CPZ: variants seen among roughly 807,000 people sequenced by gnomAD.
The protein encoded by CPZ is VEZT/CPZ fusion.
Under a neutral mutation model 61.8 loss-of-function variants are expected in CPZ, and 103 were observed. That is an observed-to-expected ratio of 1.67 (90% CI 1.42 to 1.96). The LOEUF (loss-of-function observed/expected upper bound fraction) is 1.96, where lower values mean the gene tolerates loss of function less well. Among genes scored for constraint, CPZ ranks in the 30% most tolerant of loss-of-function variants. The pLI is 0.00. For synonymous variants in CPZ, 551 were observed against 373.7 expected (o/e 1.47, Z -5.47); for missense variants, 1,461 against 914.9 (o/e 1.60, Z -7.70).
At chr4:8,594,621 G>A (rs760343920) in intron 1 of CPZ, among the ~76,000 whole-genome samples, 3 of 152,132 alleles carry the variant, frequency 2.0e-5, no homozygotes, top group Admixed American at 6.5e-5. Flanking sequence ...CTGCCACCTC[G>A]TGGTTAAGAG....
intron 7 of CPZ, among the ~76,000 whole-genome samples, chr4:8,609,210 A>ACTCATTCACTCACTCC (rs1317060196): frequency 2.1e-5 from 1 of 47,024 alleles, no homozygotes; most frequent in African/African-American, 5.1e-5. Context: ...TCACTCACTT[A>ACTCATTCACTCACTCC]CTCATTCACT....
rs143635007 is a variant in CPZ at position 8,601,512 on chromosome 4, C to A, written c.496+15C>A. ...GAAGCTTCGGGGTAAGGGAAAGTGG[C>A]GGGGGCCTGTGTGGTCATGGGGTCC... On this transcript the variant is annotated intron_variant, in intron 3 of 10. Transcript: ENST00000360986. 1.2e-5 allele frequency: 17 copies of A among 1,449,616 alleles called. No homozygotes were observed. Among genetic ancestry groups the A allele is most frequent in the Non-Finnish European group, 1.5e-5 (17 of 1,099,494 alleles). The allele number at this position is 1,449,616 out of a possible 1,614,324, so 89.8% of individuals were successfully genotyped here.
At chr4:8,618,675 G>T (rs1716420096) in intron 10 of CPZ, 147 bp downstream of exon 10, 4 of 721,662 alleles carry the variant, frequency 5.5e-6, no homozygotes, top group South Asian at 3.5e-5. Context: ...GTCGGGGAGG[G>T]TGGGCAGGAA....
At position 8,599,463 on chromosome 4, in the gene CPZ, C is replaced by T. The variant is rs764530556; in HGVS notation, c.99C>T (p.His33=). The part of the protein sequence containing the change: ...EFERNPAGEC[H]RPPAADSATC... ...TGTCTCTCTTTCCAGGTGAATGCCA[C>T]AGGCCACCAGCTGCAGACAGCGGTA... Residue 33 remains histidine, a synonymous_variant, in exon 2 of 11, where the codon CAC becomes CAT. Coordinates refer to ENST00000360986, the MANE Select transcript of CPZ (RefSeq NM_001014447.3). 1.5e-5 allele frequency: 24 copies of T among 1,611,792 alleles called. No homozygotes were observed. The South Asian group carries it at 2.2e-4, about 15-fold the overall frequency.
intron 4 of CPZ, among the ~76,000 whole-genome samples, chr4:8,605,346 C>CCAT (rs778832648): frequency 6.9e-6 from 1 of 144,644 alleles, no homozygotes. Flanking sequence ...ATCCATCCAT[C>CCAT]CATTTATTCA....
intron 7 of CPZ, among the ~76,000 whole-genome samples, chr4:8,609,102 ACTCCCTTC>A (rs1715334771): frequency 1.9e-4 from 2 of 10,640 alleles, no homozygotes; most frequent in African/African-American, 2.5e-4. Context: ...TCACTCACTC[ACTCCCTTC>A]CTCACTCCCT....
chr4:8,610,025 C>T (rs571981430), intron 7 of CPZ, among the ~76,000 whole-genome samples: 8 of 152,330 alleles, frequency 5.3e-5, no homozygotes, highest in East Asian at 1.9e-4. Flanking sequence ...CCCCTTTGCC[C>T]GAATCCTGCT....
chr4:8,605,351 T>TCC (rs1560293892), intron 4 of CPZ, among the ~76,000 whole-genome samples: 2 of 16,858 alleles, frequency 1.2e-4, no homozygotes, highest in Non-Finnish European at 2.1e-4. Flanking sequence ...TCCATCCATT[T>TCC]ATTCATTCAG....
At position 8,601,177 on chromosome 4, in the gene CPZ, C is replaced by A; in HGVS notation, c.176C>A (p.Thr59Asn). 3 of 1,607,990 alleles carry A rather than the reference C, an allele frequency of 1.9e-6. No individual in the cohort carries two copies. The highest frequency in any genetic ancestry group is 2.2e-5 in the South Asian group (2 of 90,710). Residue 59 changes from threonine to asparagine, a missense_variant, in exon 3 of 11, where the codon ACC becomes AAC. Thr to Asn is a moderately conservative substitution (Grantham distance 65). Transcript: ENST00000360986. The part of the protein sequence containing the change: ...RTCSDAAYNH[T>N]TFPNLLQHRS... ...TGCAGCGATGCCGCCTACAACCACA[C>A]CACCTTCCCCAACCTGCTTCAGCAC...
chr4:8,616,959 G>A (rs1716224106), intron 9 of CPZ, among the ~76,000 whole-genome samples: 1 of 152,192 alleles, frequency 6.6e-6, no homozygotes, highest in Non-Finnish European at 1.5e-5. Context: ...TGCTCATCAT[G>A]GATTCCATGT....
In CPZ at chr4:8,601,454, G is replaced by A. The variant is rs921760286; in HGVS notation, c.453G>A (p.Thr151=). The part of the protein sequence containing the change: ...PYFLDCHRYF[T]REDEGCYDPL... Reference sequence around the variant, plus strand: ...TCCTTGACTGCCACCGCTACTTCACGAGAGAGGACGAGGGCTGCTATGACC... The same window carrying A: ...TCCTTGACTGCCACCGCTACTTCACAAGAGAGGACGAGGGCTGCTATGACC... Residue 151 remains threonine (T), a synonymous_variant, in exon 3 of 11, where the codon ACG becomes ACA. Coordinates refer to ENST00000360986, the MANE Select transcript of CPZ (RefSeq NM_001014447.3). 6 of 1,529,446 alleles carry A rather than the reference G, an allele frequency of 3.9e-6. No individual in the cohort carries two copies. The highest frequency in any genetic ancestry group is 1.4e-5 in the African/African-American group (1 of 73,450). 94.7% of individuals were successfully genotyped at this position (1,529,446 alleles called of 1,614,324 possible). A position where few individuals can be genotyped will look rare whatever the true frequency, so the allele number is the denominator to read the frequency against.
chr4:8,618,735 G>A (rs528670439), intron 10 of CPZ, among the ~76,000 whole-genome samples: 1 of 152,204 alleles, frequency 6.6e-6, no homozygotes, highest in Non-Finnish European at 1.5e-5. Flanking sequence ...AGCTTGCCCA[G>A]CCGTAGCTAC....
intron 4 of CPZ, among the ~76,000 whole-genome samples, chr4:8,605,377 CCATCATCCACCCATT>C (rs1560293923): frequency 8.7e-6 from 1 of 114,818 alleles, no homozygotes; most frequent in Non-Finnish European, 1.8e-5. Flanking sequence ...ACACATCCAT[CCATCATCCACCCATT>C]CATTCATACA....
rs530536383 is a variant in CPZ at position 8,616,720 on chromosome 4, C to A, written c.1504-1709C>A. On this transcript the variant is annotated intron_variant, in intron 9 of 10. Transcript: ENST00000360986. ...GTGGCTGAGGGGCATGGTGGCTTCTCGAGCTGTCCAGTTTCTCTTCATCAC... is the reference window on the plus strand; with the variant it reads ...GTGGCTGAGGGGCATGGTGGCTTCTAGAGCTGTCCAGTTTCTCTTCATCAC... Among the ~76,000 whole-genome samples, 7 of 152,320 alleles carry A rather than the reference C, an allele frequency of 4.6e-5. No homozygotes were observed. The South Asian group carries it at 1.4e-3, about 32-fold the overall frequency.
At chr4:8,606,992 A>G (rs1419597533) in intron 6 of CPZ, 94 bp downstream of exon 6, 2 of 1,413,206 alleles carry the variant, frequency 1.4e-6, no homozygotes, top group Non-Finnish European at 1.9e-6. Flanking sequence ...CCCTGGGGAC[A>G]GGAGAGCCTG....
At position 8,612,168 on chromosome 4, in the gene CPZ, G is replaced by T. The variant is rs28417411; in HGVS notation, c.1363+6G>T. The T allele has an allele frequency of 0.018, 23,335 of 1,312,718 alleles. 2,932 individuals are homozygous for T. The African/African-American group carries it at 0.29, about 17-fold the overall frequency. The allele number at this position is 1,312,718 out of a possible 1,614,324, so 81.3% of individuals were successfully genotyped here. ...CTGGTACAGCTTCACGGGAGGTGCG[G>T]CTTCCGCAGGGCGGGACTGGGCGGG... On this transcript the variant is annotated splice_donor_region_variant and intron_variant, in intron 8 of 10. Coordinates refer to ENST00000360986, the MANE Select transcript of CPZ (RefSeq NM_001014447.3).
Position 8,611,901 on chromosome 4 carries a change from A to T in CPZ, c.1228-126A>T, listed in dbSNP as rs574066009. ...CACCGTTCCCCTCTCCTACCTGCAG[A>T]CACCATTCCCCTCTCCTATCTGCAA... On this transcript the variant is annotated intron_variant, in intron 7 of 10. Transcript: ENST00000360986. 55 of 1,344,608 alleles carry T rather than the reference A, an allele frequency of 4.1e-5. No individual in the cohort carries two copies. In the East Asian group the frequency reaches 1.4e-3, roughly 34 times the overall value. The allele number at this position is 1,344,608 out of a possible 1,614,324, so 83.3% of individuals were successfully genotyped here. A position where few individuals can be genotyped will look rare whatever the true frequency, so the allele number is the denominator to read the frequency against.
chr4:8,596,809 T>G (rs1437480128), intron 1 of CPZ, among the ~76,000 whole-genome samples: 1 of 152,136 alleles, frequency 6.6e-6, no homozygotes, highest in Non-Finnish European at 1.5e-5. Context: ...TCCAGTCACT[T>G]GTGTGGGCGC....
intron 1 of CPZ, among the ~76,000 whole-genome samples, chr4:8,594,751 C>T (rs10938726): frequency 2.0e-5 from 3 of 150,974 alleles, no homozygotes; most frequent in African/African-American, 4.9e-5. Context: ...CAGAAACAGG[C>T]GAAACTGATT....
Sources: allele counts gnomAD v4.1 joint callset (sites outside exome capture counted in the v4.1 genomes callset), GRCh38; gene constraint gnomAD v4.1.1; transcripts MANE v1.5; gene names NCBI Gene and HGNC (gene_info 2026-07-23, HGNC 2026-07-21).